Variants in EIF2AK4 observed in about 807,000 individuals in gnomAD.
EIF2AK4 encodes eukaryotic translation initiation factor 2 alpha kinase 4, also known as eIF-2-alpha kinase GCN2.
Under a neutral mutation model 211.1 loss-of-function variants are expected in EIF2AK4, and 139 were observed. That is an observed-to-expected ratio of 0.66 (90% CI 0.57 to 0.76). The LOEUF is 0.76. Among genes scored for constraint, EIF2AK4 ranks in the 30% least tolerant of loss-of-function variants. The pLI is 0.00. For synonymous variants in EIF2AK4, 710 were observed against 751.3 expected, an observed-to-expected ratio of 0.94 and a Z score of 0.90; for missense variants, 1,664 against 2,043.8, an observed-to-expected ratio of 0.81 and a Z score of 3.58.
intron 23 of EIF2AK4, among the ~76,000 whole-genome samples, chr15:40,003,837 C>T (rs994064757): frequency 6.6e-6 from 1 of 152,208 alleles, no homozygotes. Flanking sequence ...ACAGTGTTGG[C>T]TACTAACAAG....
intron 3 of EIF2AK4, chr15:39,946,901 A>G: frequency 2.0e-6 from 1 of 500,480 alleles, no homozygotes; most frequent in Non-Finnish European, 3.6e-6. Flanking sequence ...AGGTATATAC[A>G]TTGATTTCTA....
At chr15:39,981,742 T>C (rs28541444) in intron 13 of EIF2AK4, among the ~76,000 whole-genome samples, 77,023 of 151,804 alleles carry the variant, frequency 0.51, 20,360 homozygotes, top group Non-Finnish European at 0.59. Context: ...AATACATCTA[T>C]TGAGGGAAAA....
intron 31 of EIF2AK4, chr15:40,022,196 GTGTGTGTGTGTGTGTGTGTA>G (rs984566606): frequency 4.1e-4 from 84 of 205,446 alleles, no homozygotes; most frequent in African/African-American, 2.0e-3. Flanking sequence ...GTGTGTGTGT[GTGTGTGTGTGTGTGTGTGTA>G]TGTTGTGTTG....
chr15:40,032,285 T>C, intron 36 of EIF2AK4, 48 bp downstream of exon 36: 5 of 1,547,570 alleles, frequency 3.2e-6, no homozygotes, highest in Non-Finnish European at 4.5e-6. Flanking sequence ...GTCCATACTG[T>C]CAAAGTAGTT....
intron 20 of EIF2AK4, 40 bp from the exon 21 acceptor site, chr15:40,000,948 C>A: frequency 6.3e-7 from 1 of 1,590,518 alleles, no homozygotes; most frequent in Admixed American, 1.7e-5. Flanking sequence ...GAGCATTATC[C>A]ATTGCATCCC....
intron 15 of EIF2AK4, among the ~76,000 whole-genome samples, chr15:39,989,108 G>A (rs939662460): frequency 6.6e-6 from 1 of 152,190 alleles, no homozygotes; most frequent in African/African-American, 2.4e-5. Flanking sequence ...GAAACCAGAA[G>A]GTCATCTAGC....
chr15:39,975,929 C>T (rs1272453865), intron 11 of EIF2AK4, among the ~76,000 whole-genome samples: 1 of 152,054 alleles, frequency 6.6e-6, no homozygotes, highest in Non-Finnish European at 1.5e-5. Flanking sequence ...CAAGTTCACA[C>T]GGCTTTAGAA....
rs752767858 is a variant in EIF2AK4 at position 39,985,830 on chromosome 15, G to A, written c.2345G>A (p.Gly782Asp). ...GATGAAGATTGCAATGAAAAGAATG[G>A]CTGCCATGAAAGTGAGCCATCAGTG... ...NQDEDCNEKNGCHESEPSVTT... is the reference protein window; with the variant it reads ...NQDEDCNEKNDCHESEPSVTT... Residue 782 changes from glycine (G) to aspartate (D), a missense_variant, in exon 14 of 39, where the codon GGC becomes GAC. This residue lies in a region of EIF2AK4 where 206 missense variants were observed against 201.9 expected (regional missense o/e 1.02). Coordinates refer to ENST00000263791, the MANE Select transcript of EIF2AK4 (RefSeq NM_001013703.4). The A allele has an allele frequency of 1.2e-6, 2 of 1,614,042 alleles. No individual in the cohort carries two copies. The highest frequency in any genetic ancestry group is 1.7e-6 in the Non-Finnish European group (2 of 1,179,980).
intron 36 of EIF2AK4, 85 bp from the exon 37 acceptor site, chr15:40,032,672 C>T: frequency 1.6e-6 from 2 of 1,277,834 alleles, no homozygotes; most frequent in Non-Finnish European, 2.3e-6. Flanking sequence ...AAACCCTATT[C>T]ATACTGCTGC....
intron 14 of EIF2AK4, among the ~76,000 whole-genome samples, chr15:39,986,735 A>AG (rs2034871369): frequency 6.6e-6 from 1 of 152,174 alleles, no homozygotes; most frequent in African/African-American, 2.4e-5. Context: ...TGCTCCTGTA[A>AG]TCCCAGCTAC....
At chr15:40,031,335 G>C (rs2035540557) in intron 35 of EIF2AK4, among the ~76,000 whole-genome samples, 1 of 152,244 alleles carries the variant, frequency 6.6e-6, no homozygotes, top group Admixed American at 6.5e-5. Flanking sequence ...AGTGTTAAAA[G>C]AGAGCAGTCA....
rs1180112607 is a variant in EIF2AK4 at position 40,017,530 on chromosome 15, T to C, written c.4065+288T>C. 1.2e-4 allele frequency among the ~76,000 whole-genome samples: 10 copies of C among 85,504 alleles called. 2 individuals are homozygous for C. Among genetic ancestry groups the C allele is most frequent in the African/African-American group, 5.1e-4 (8 of 15,616 alleles). The allele number at this position is 85,504 out of a possible 152,430, so 56.1% of individuals were successfully genotyped here. On this transcript the variant is annotated intron_variant, in intron 29 of 38. Transcript: ENST00000263791. ...ATATATATATATATATATATATATA[T>C]ATATATATATATATATATATATATG...
chr15:40,027,413 A>G (rs2140949560), intron 33 of EIF2AK4, among the ~76,000 whole-genome samples: 1 of 152,356 alleles, frequency 6.6e-6, no homozygotes, highest in African/African-American at 2.4e-5. Flanking sequence ...TTGAAAGGAT[A>G]TGAGGGACCT....
chr15:39,957,392 C>G (rs1946962154), intron 6 of EIF2AK4, among the ~76,000 whole-genome samples: 1 of 151,998 alleles, frequency 6.6e-6, no homozygotes, highest in Non-Finnish European at 1.5e-5. Flanking sequence ...GCAACAAACT[C>G]CTTCCCATCT....
chr15:40,034,955 T>C (rs541288560), intron 38 of EIF2AK4, 72 bp from the exon 39 acceptor site: 1 of 1,270,086 alleles, frequency 7.9e-7, no homozygotes, highest in Non-Finnish European at 1.1e-6. Flanking sequence ...ACAGGTGTTA[T>C]AAAAATTTAT....
At chr15:40,022,728 C>T (rs1377516451) in intron 32 of EIF2AK4, 123 bp downstream of exon 32, 2 of 760,186 alleles carry the variant, frequency 2.6e-6, no homozygotes, top group Non-Finnish European at 4.2e-6. Context: ...TCTCCCTTTC[C>T]ATTGTTGGGT....
intron 26 of EIF2AK4, among the ~76,000 whole-genome samples, 197 bp from the exon 27 acceptor site, chr15:40,011,084 A>G (rs1315854561): frequency 1.2e-4 from 18 of 151,780 alleles, no homozygotes; most frequent in Non-Finnish European, 2.9e-5. Context: ...GGTTTTTCAG[A>G]TTTTAAAATA....
chr15:40,034,163 G>A (rs1255945072), intron 37 of EIF2AK4, among the ~76,000 whole-genome samples, 163 bp from the exon 38 acceptor site: 1 of 152,126 alleles, frequency 6.6e-6, no homozygotes, highest in African/African-American at 2.4e-5. Context: ...GTGCTTCAGA[G>A]GAACCCCAGC....
chr15:40,016,472 G>C (rs2035304042), intron 27 of EIF2AK4, 30 bp from the exon 28 acceptor site: 2 of 1,613,376 alleles, frequency 1.2e-6, no homozygotes, highest in Admixed American at 1.7e-5. Flanking sequence ...GCTGTGGATG[G>C]GCAGCTGACT....
Sources: allele counts gnomAD v4.1 joint callset (sites outside exome capture counted in the v4.1 genomes callset), GRCh38; gene constraint gnomAD v4.1.1; regional missense constraint gnomAD v4.1.1; transcripts MANE v1.5; gene names NCBI Gene and HGNC (gene_info 2026-07-23, HGNC 2026-07-21).